The following SGF29 variants were observed in gnomAD, a reference collection of about 807,000 sequenced individuals.
The protein encoded by SGF29 is SAGA complex associated factor 29.
A neutral mutation model predicts 38.1 loss-of-function variants in SGF29; 15 were observed. The observed-to-expected ratio is 0.39, with a 90% confidence interval of 0.26 to 0.61. The LOEUF (loss-of-function observed/expected upper bound fraction) is 0.61. Among genes scored for constraint, SGF29 ranks in the 20% least tolerant of loss-of-function variants. SGF29 has a pLI of 0.49. For missense variants in SGF29, 184 were observed against 394.6 expected (o/e 0.47, Z 4.52); for synonymous variants, 151 against 160.8 (o/e 0.94, Z 0.46).
At chr16:28,569,793 G>A (rs1422694713) in intron 1 of SGF29, among the ~76,000 whole-genome samples, 1 of 152,208 alleles carries the variant, frequency 6.6e-6, no homozygotes, top group Non-Finnish European at 1.5e-5. Context: ...GGCATGTGGG[G>A]GCTGTCACCC....
chr16:28,577,301 A>G (rs2046900024), intron 1 of SGF29, among the ~76,000 whole-genome samples: 1 of 151,792 alleles, frequency 6.6e-6, no homozygotes, highest in East Asian at 1.9e-4. Flanking sequence ...TAGTATATTC[A>G]GAGTTGTGCA....
At chr16:28,584,812 AT>A in intron 2 of SGF29, 100 bp from the exon 3 acceptor site, 2 of 716,004 alleles carry the variant, frequency 2.8e-6, no homozygotes, top group Admixed American at 2.6e-5. Context: ...AAAAAAGAAA[AT>A]GAGGGCCGTA....
chr16:28,555,146 C>T (rs911797832), intron 1 of SGF29, among the ~76,000 whole-genome samples: 21 of 152,178 alleles, frequency 1.4e-4, no homozygotes, highest in African/African-American at 2.4e-5. Flanking sequence ...GCATGAGCCA[C>T]CGCAATCCCA....
intron 1 of SGF29, among the ~76,000 whole-genome samples, chr16:28,558,641 CCAAATTCTTCA>C (rs542689994): frequency 6.6e-6 from 1 of 152,138 alleles, no homozygotes; most frequent in African/African-American, 2.4e-5. Context: ...AGAAGGGATT[CCAAATTCTTCA>C]CAAATTCTTC....
rs369568593 is a variant in SGF29, at chr16:28,580,431, C to T, written c.-15-624C>T. On this transcript the variant is annotated intron_variant, in intron 1 of 9. Transcript: ENST00000317058. Reference sequence around the variant, plus strand: ...GATTGTTGCTTCTTGGAGGCTTAGACGGGGCCGTTACTCCGCGCATCTCTC... The same window carrying T: ...GATTGTTGCTTCTTGGAGGCTTAGATGGGGCCGTTACTCCGCGCATCTCTC... 9.2e-5 allele frequency among the ~76,000 whole-genome samples: 14 copies of T among 152,256 alleles called. 1 individual carries two copies. In the South Asian group the frequency reaches 1.4e-3, roughly 16 times the overall value.
chr16:28,572,073 G>A (rs907191780), intron 1 of SGF29, among the ~76,000 whole-genome samples: 1 of 152,022 alleles, frequency 6.6e-6, no homozygotes, highest in South Asian at 2.1e-4. Flanking sequence ...TCTGCCTCCC[G>A]GGTTCACGCC....
intron 1 of SGF29, among the ~76,000 whole-genome samples, chr16:28,559,607 C>T (rs1200602108): frequency 6.6e-6 from 1 of 152,024 alleles, no homozygotes; most frequent in Non-Finnish European, 1.5e-5. Context: ...AATTCCTGGC[C>T]TCAAGTGATC....
chr16:28,566,232 C>T (rs547889251), intron 1 of SGF29, among the ~76,000 whole-genome samples: 2 of 150,780 alleles, frequency 1.3e-5, no homozygotes, highest in South Asian at 2.1e-4. Context: ...CAAGATCGCG[C>T]CACTGCACTC....
intron 5 of SGF29, among the ~76,000 whole-genome samples, chr16:28,589,774 A>G (rs892437264): frequency 4.6e-5 from 7 of 152,226 alleles, no homozygotes; most frequent in Admixed American, 2.0e-4. Context: ...GTTCAATGAA[A>G]TAGTCACTAA....
chr16:28,589,732 A>G (rs746571153), intron 5 of SGF29, among the ~76,000 whole-genome samples: 3 of 152,136 alleles, frequency 2.0e-5, no homozygotes, highest in Non-Finnish European at 4.4e-5. Flanking sequence ...TACAATGTAT[A>G]TTAATAGAAG....
intron 1 of SGF29, among the ~76,000 whole-genome samples, chr16:28,566,750 A>G (rs1178250180): frequency 1.3e-5 from 2 of 151,994 alleles, no homozygotes; most frequent in South Asian, 2.1e-4. Flanking sequence ...GCACCACTGC[A>G]TACTAGCCTG....
intron 1 of SGF29, among the ~76,000 whole-genome samples, chr16:28,556,978 AGAGTGTGGGATGT>A (rs1253595980): frequency 6.6e-6 from 1 of 152,132 alleles, no homozygotes; most frequent in Non-Finnish European, 1.5e-5. Context: ...GACTGGGTTG[AGAGTGTGGGATGT>A]GAGTGTGGGG....
At chr16:28,572,596 A>G (rs2046871486) in intron 1 of SGF29, among the ~76,000 whole-genome samples, 1 of 152,204 alleles carries the variant, frequency 6.6e-6, no homozygotes, top group Non-Finnish European at 1.5e-5. Flanking sequence ...GGCGTGTTGC[A>G]GAGTCCATGT....
In SGF29 at chr16:28,557,010, T is replaced by C. The variant is rs144650225; in HGVS notation, c.-16+2913T>C. ...GGGATGTGAGTGTGGGGTATTAGGT[T>C]CCTCTTTCCCTTTGACCCAGAACAA... On this transcript the variant is annotated intron_variant, in intron 1 of 9. Transcript: ENST00000317058. Among the ~76,000 whole-genome samples, 21 of 152,268 alleles carry C rather than the reference T, an allele frequency of 1.4e-4. No homozygotes were observed. The East Asian group carries it at 4.0e-3, about 29-fold the overall frequency.
intron 1 of SGF29, among the ~76,000 whole-genome samples, chr16:28,580,015 T>C (rs1244646600): frequency 6.6e-6 from 1 of 152,174 alleles, no homozygotes; most frequent in Admixed American, 6.5e-5. Flanking sequence ...TAAAATCTTA[T>C]TTGAATCTCC....
chr16:28,584,788 C>CAAA (rs377573618), intron 2 of SGF29, 125 bp from the exon 3 acceptor site: 150 of 417,770 alleles, frequency 3.6e-4, no homozygotes, highest in African/African-American at 8.6e-4. Context: ...GACTCCATCT[C>CAAA]AAAAAAAAAA....
At chr16:28,578,708 C>T (rs1299032474) in intron 1 of SGF29, among the ~76,000 whole-genome samples, 1 of 140,352 alleles carries the variant, frequency 7.1e-6, no homozygotes, top group Non-Finnish European at 1.5e-5. Flanking sequence ...AAAAAGAGGG[C>T]GAGGTGGGTG....
At chr16:28,564,553 A>G (rs201129053) in intron 1 of SGF29, among the ~76,000 whole-genome samples, 22,145 of 107,234 alleles carry the variant, frequency 0.21, 2,865 homozygotes, top group African/African-American at 0.3. Flanking sequence ...ATATATACGT[A>G]TATATATATA....
chr16:28,571,467 C>T (rs1190462300), intron 1 of SGF29, among the ~76,000 whole-genome samples: 3 of 151,984 alleles, frequency 2.0e-5, no homozygotes, highest in Non-Finnish European at 1.5e-5. Flanking sequence ...GTGGCAGACA[C>T]CTGTAATCCC....
Sources: gnomAD v4.1 joint callset for allele counts (sites outside exome capture counted in the v4.1 genomes callset) on GRCh38, gnomAD v4.1.1 for gene constraint, MANE v1.5 for transcripts, NCBI Gene and HGNC (gene_info 2026-07-23, HGNC 2026-07-21) for gene names.